The following CEP63 variants were observed in gnomAD, a reference collection of about 807,000 sequenced individuals.
The protein encoded by CEP63 is centrosomal protein of 63 kDa.
CEP63 carries 84 observed loss-of-function variants against 89.1 expected under a neutral mutation model. The observed-to-expected ratio is 0.94, with a 90% CI of 0.79 to 1.13. CEP63 has a LOEUF of 1.13. CEP63 is among the 50% of genes most tolerant of loss of function. The pLI is 0.00. For missense variants in CEP63, 838 were observed against 813.3 expected (o/e 1.03, Z -0.37); for synonymous variants, 267 against 272.5 (o/e 0.98, Z 0.20).
the CEP63 span, among the ~76,000 whole-genome samples, chr3:134,765,870 G>T: frequency 2.6e-5 from 4 of 152,154 alleles, no homozygotes; most frequent in Admixed American, 2.6e-4. Context: ...AGCCCTCTAG[G>T]TAGGGCCAGA....
At chr3:134,695,173 C>T in the CEP63 span, among the ~76,000 whole-genome samples, 1 of 152,106 alleles carries the variant, frequency 6.6e-6, no homozygotes, top group African/African-American at 2.4e-5. Flanking sequence ...CTGCGGGTGT[C>T]ATTGCAAAGT....
chr3:134,559,083 A>G, intron 13 of CEP63, 67 bp from the exon 14 acceptor site: 2 of 1,565,760 alleles, frequency 1.3e-6, no homozygotes, highest in African/African-American at 1.4e-5. Flanking sequence ...AATTTCCTAC[A>G]TTTCTGTTGG....
the CEP63 span, among the ~76,000 whole-genome samples, chr3:134,612,746 C>T: frequency 2.4e-5 from 2 of 84,602 alleles, no homozygotes; most frequent in African/African-American, 4.2e-5. Context: ...AATGTCACGC[C>T]GATGCTGTGT....
chr3:134,780,727 T>G, the CEP63 span: 1 of 152,220 alleles, frequency 6.6e-6, no homozygotes, highest in African/African-American at 2.4e-5. Flanking sequence ...ATAGTTTCTC[T>G]CAGTGTATGG....
intron 10 of CEP63, 140 bp from the exon 11 acceptor site, chr3:134,549,923 T>A (rs1954435859): frequency 1.4e-6 from 1 of 710,914 alleles, no homozygotes; most frequent in Non-Finnish European, 2.4e-6. Context: ...GGTAAATTGC[T>A]AATTTTTCTG....
chr3:134,505,267 G>A (rs1478060048), intron 2 of CEP63, among the ~76,000 whole-genome samples: 1 of 151,744 alleles, frequency 6.6e-6, no homozygotes, highest in Non-Finnish European at 1.5e-5. Flanking sequence ...GCTTTCATAG[G>A]GAAAATTTTT....
the CEP63 span, chr3:134,651,362 C>G: frequency 8.8e-7 from 1 of 1,138,336 alleles, no homozygotes; most frequent in Non-Finnish European, 1.1e-6. Context: ...CCCACGGTCT[C>G]CGGAGGGTTC....
the CEP63 span, among the ~76,000 whole-genome samples, chr3:134,704,478 T>A: frequency 6.6e-6 from 1 of 151,858 alleles, no homozygotes; most frequent in Non-Finnish European, 1.5e-5. Context: ...CAGAGTCAGA[T>A]AAAGAAGGAA....
the CEP63 span, among the ~76,000 whole-genome samples, chr3:134,665,244 G>C: frequency 6.6e-6 from 1 of 152,208 alleles, no homozygotes; most frequent in African/African-American, 2.4e-5. Flanking sequence ...GTCAGGGCTG[G>C]CCTGGTGTCC....
intron 3 of CEP63, among the ~76,000 whole-genome samples, chr3:134,530,199 A>T (rs1020579963): frequency 2.6e-5 from 4 of 152,132 alleles, no homozygotes; most frequent in Non-Finnish European, 5.9e-5. Context: ...TAAGTGTTTT[A>T]ATATCGACTC....
At chr3:134,557,195 G>T (rs974338175) in intron 12 of CEP63, among the ~76,000 whole-genome samples, 1 of 151,850 alleles carries the variant, frequency 6.6e-6, no homozygotes, top group Non-Finnish European at 1.5e-5. Context: ...ATTTTAACTC[G>T]TATGTCCTGC....
At chr3:134,622,866 C>A in the CEP63 span, among the ~76,000 whole-genome samples, 48 of 152,222 alleles carry the variant, frequency 3.2e-4, no homozygotes, top group African/African-American at 1.1e-3. Context: ...ACTCCAGGAC[C>A]TTGTTTTTAG....
At chr3:134,648,428 A>G in the CEP63 span, among the ~76,000 whole-genome samples, 7 of 152,290 alleles carry the variant, frequency 4.6e-5, no homozygotes, top group Middle Eastern at 0.017. Flanking sequence ...CACAAACCAC[A>G]TAGACTTTTG....
At chr3:134,712,523 ACAT>A in the CEP63 span, among the ~76,000 whole-genome samples, 1 of 152,270 alleles carries the variant, frequency 6.6e-6, no homozygotes, top group Non-Finnish European at 1.5e-5. Flanking sequence ...TTCAAAAATA[ACAT>A]CATATTCTTA....
chr3:134,650,812 G>C, the CEP63 span: 2 of 1,563,338 alleles, frequency 1.3e-6, no homozygotes, highest in Non-Finnish European at 1.7e-6. Context: ...GACCCGGGTC[G>C]GGCGCGCGTT....
the CEP63 span, chr3:134,608,387 C>T: frequency 4.9e-6 from 7 of 1,427,642 alleles, no homozygotes; most frequent in African/African-American, 8.5e-5. Flanking sequence ...AGCCTTCAGA[C>T]ACATCCCTTT....
the CEP63 span, among the ~76,000 whole-genome samples, chr3:134,693,571 A>G: frequency 6.6e-6 from 1 of 152,250 alleles, no homozygotes; most frequent in Non-Finnish European, 1.5e-5. Context: ...AAGATTCTTT[A>G]TATAAAATGG....
At chr3:134,651,538 A>G in the CEP63 span, 23 of 990,888 alleles carry the variant, frequency 2.3e-5, no homozygotes, top group Admixed American at 1.2e-4. Context: ...CCTCGACCTC[A>G]CTCCTTCCCT....
chr3:134,658,413 G>T, the CEP63 span, among the ~76,000 whole-genome samples: 1 of 152,094 alleles, frequency 6.6e-6, no homozygotes. Context: ...GTTGTATTTC[G>T]TAGCAAAGTC....
Sources: gnomAD v4.1 joint callset for allele counts (sites outside exome capture counted in the v4.1 genomes callset) on GRCh38, gnomAD v4.1.1 for gene constraint, MANE v1.5 for transcripts, NCBI Gene and HGNC (gene_info 2026-07-23, HGNC 2026-07-21) for gene names.